Variants in TAFA5 observed in about 807,000 individuals in gnomAD.
The protein encoded by TAFA5 is chemokine-like protein TAFA-5.
Under a neutral mutation model 15.3 loss-of-function variants are expected in TAFA5, and 6 were observed. The observed-to-expected ratio is 0.39, with a 90% CI of 0.21 to 0.77. The LOEUF is 0.77. Ranked by LOEUF, TAFA5 falls within the 30% of genes least tolerant of loss-of-function variation. The pLI, the probability that TAFA5 is intolerant of heterozygous loss-of-function variation, is 0.41. For synonymous variants in TAFA5, 103 were observed against 80.7 expected, an observed-to-expected ratio of 1.28 and a Z score of -1.48; for missense variants, 161 against 193.1, an observed-to-expected ratio of 0.83 and a Z score of 0.98.
At chr22:48,571,583 T>TTTG (rs1923591747) in intron 1 of TAFA5, among the ~76,000 whole-genome samples, 1 of 130,134 alleles carries the variant, frequency 7.7e-6, no homozygotes, top group Non-Finnish European at 1.6e-5. Context: ...TGTTTTTTTT[T>TTTG]TTTTTTTTTT....
rs1016645817 is a variant in TAFA5, at chr22:48,490,906, C to T, written c.112+1202C>T. Among the ~76,000 whole-genome samples the T allele has an allele frequency of 6.6e-6, 1 of 152,142 alleles. No homozygotes were observed. Among genetic ancestry groups the T allele is most frequent in the Non-Finnish European group, 1.5e-5 (1 of 68,024 alleles). On this transcript the variant is annotated intron_variant, in intron 1 of 3. Transcript: ENST00000402357. This position sits in a 1 kb window ranked among gnomAD's most constrained non-coding sequence, Gnocchi z 5.8. ...GTCGCCAAAATGAGAGCACAGTGGC[C>T]CAGGGAGACCCGGGCAGCCGCGGGA...
At chr22:48,526,379 G>T (rs1176715139) in intron 1 of TAFA5, among the ~76,000 whole-genome samples, 1 of 152,238 alleles carries the variant, frequency 6.6e-6, no homozygotes, top group Non-Finnish European at 1.5e-5. Flanking sequence ...CCTTCTCAGG[G>T]GAGCAGAGTG....
chr22:48,663,965 A>G (rs1037717038), intron 2 of TAFA5, among the ~76,000 whole-genome samples: 1 of 152,236 alleles, frequency 6.6e-6, no homozygotes, highest in African/African-American at 2.4e-5. Context: ...AGAATTCTCA[A>G]CTTCATAAGG....
rs130225 is a variant in TAFA5, at chr22:48,742,890, A to G, written c.391-6949A>G. ...GTGAGGAGGGCCCTCTGCTGCCTCCATGCAGCCCACACGCGGGGCCCCCAC... is the reference window on the plus strand; with the variant it reads ...GTGAGGAGGGCCCTCTGCTGCCTCCGTGCAGCCCACACGCGGGGCCCCCAC... On this transcript the variant is annotated intron_variant, in intron 3 of 3. Transcript: ENST00000402357. This position sits in a 1 kb window ranked among gnomAD's most constrained non-coding sequence, Gnocchi z 6.2. 0.7 allele frequency among the ~76,000 whole-genome samples: 106,552 copies of G among 152,090 alleles called. 38,525 individuals carry two copies. The highest frequency in any genetic ancestry group is 0.81 in the African/African-American group (33,582 of 41,520).
chr22:48,493,773 A>G (rs1471615940), intron 1 of TAFA5, among the ~76,000 whole-genome samples: 1 of 152,178 alleles, frequency 6.6e-6, no homozygotes, highest in African/African-American at 2.4e-5. Context: ...TTGTCCCCTC[A>G]CAGGATTTTC....
intron 1 of TAFA5, among the ~76,000 whole-genome samples, chr22:48,580,905 A>G (rs1325898063): frequency 1.3e-5 from 2 of 151,942 alleles, no homozygotes; most frequent in Non-Finnish European, 2.9e-5. Flanking sequence ...GGCCCTGATG[A>G]GGTGTGCAGG....
At chr22:48,691,615 T>TCTTCTGCCCCTGCTGCAGGCGCTC (rs1360586040) in intron 2 of TAFA5, among the ~76,000 whole-genome samples, 1 of 152,198 alleles carries the variant, frequency 6.6e-6, no homozygotes, top group African/African-American at 2.4e-5. Context: ...AGCAGGCTCT[T>TCTTCTGCCCCTGCTGCAGGCGCTC]CTTCTGCCCC....
At chr22:48,562,116 C>T (rs901173428) in intron 1 of TAFA5, among the ~76,000 whole-genome samples, 1 of 152,174 alleles carries the variant, frequency 6.6e-6, no homozygotes, top group Non-Finnish European at 1.5e-5. Flanking sequence ...TAAGCCCCCT[C>T]ATTTCCCCAG....
chr22:48,622,148 A>C (rs1479206085), intron 1 of TAFA5, among the ~76,000 whole-genome samples: 2 of 151,980 alleles, frequency 1.3e-5, no homozygotes, highest in Non-Finnish European at 1.5e-5. Context: ...GTGCATGAGA[A>C]CCCAGGGGTA....
At chr22:48,533,376 G>T (rs959736583) in intron 1 of TAFA5, among the ~76,000 whole-genome samples, 9 of 152,206 alleles carry the variant, frequency 5.9e-5, no homozygotes, top group Non-Finnish European at 1.2e-4. Context: ...AGCACAGCTG[G>T]CACAGAGGTG....
chr22:48,491,336 A>G (rs1928147668), intron 1 of TAFA5, among the ~76,000 whole-genome samples: 1 of 152,070 alleles, frequency 6.6e-6, no homozygotes, highest in Non-Finnish European at 1.5e-5. Flanking sequence ...GCGGAAGAGG[A>G]GGCATTTGAA....
intron 1 of TAFA5, among the ~76,000 whole-genome samples, chr22:48,531,666 AGC>A (rs1016194635): frequency 6.7e-6 from 1 of 149,554 alleles, no homozygotes; most frequent in East Asian, 2.1e-4. Flanking sequence ...TTAGACCCCC[AGC>A]GCGCCCTCCT....
chr22:48,612,442 G>A (rs761717395), intron 1 of TAFA5, among the ~76,000 whole-genome samples: 13 of 152,068 alleles, frequency 8.5e-5, no homozygotes, highest in Non-Finnish European at 1.9e-4. Context: ...GTGTGTCAAG[G>A]TGTCCCTATA....
intron 1 of TAFA5, among the ~76,000 whole-genome samples, chr22:48,529,964 C>T (rs962185045): frequency 6.6e-6 from 1 of 152,084 alleles, no homozygotes; most frequent in Non-Finnish European, 1.5e-5. Flanking sequence ...GGGTGTTGGA[C>T]ACCCCCTGAG....
intron 1 of TAFA5, among the ~76,000 whole-genome samples, chr22:48,565,822 CT>C (rs753994152): frequency 5.3e-5 from 8 of 152,190 alleles, no homozygotes; most frequent in Non-Finnish European, 1.0e-4. Flanking sequence ...CTGATTGTTC[CT>C]TGCCTAGACC....
intron 2 of TAFA5, among the ~76,000 whole-genome samples, chr22:48,655,830 C>CT (rs1197219539): frequency 0.12 from 7,332 of 62,290 alleles, 1,700 homozygotes; most frequent in African/African-American, 0.2. Context: ...AACACTGATT[C>CT]TTTTTTTTTT....
At chr22:48,568,377 TGAG>T (rs1923475773) in intron 1 of TAFA5, among the ~76,000 whole-genome samples, 1 of 152,380 alleles carries the variant, frequency 6.6e-6, no homozygotes, top group Admixed American at 6.5e-5. Flanking sequence ...TATGAAGCAC[TGAG>T]GAGAGGTCAG....
At chr22:48,634,600 TTCACCCAC>T (rs1348067056) in intron 1 of TAFA5, among the ~76,000 whole-genome samples, 2 of 151,898 alleles carry the variant, frequency 1.3e-5, no homozygotes, top group African/African-American at 4.8e-5. Context: ...CAGTCACTGA[TTCACCCAC>T]TCACCCACTC....
At chr22:48,724,855 G>C (rs939103440) in intron 3 of TAFA5, among the ~76,000 whole-genome samples, 1 of 152,250 alleles carries the variant, frequency 6.6e-6, no homozygotes. Context: ...GTCCTGCAGA[G>C]ACTCAGCTCC....
Sources: gnomAD v4.1 joint callset for allele counts (sites outside exome capture counted in the v4.1 genomes callset) on GRCh38, gnomAD v4.1.1 for gene constraint, Gnocchi (gnomAD v3.1) non-coding constraint, MANE v1.5 for transcripts, NCBI Gene and HGNC (gene_info 2026-07-23, HGNC 2026-07-21) for gene names.